The following GNG7 variants were observed in gnomAD, a reference collection of about 807,000 sequenced individuals.
The protein encoded by GNG7 is guanine nucleotide-binding protein G(I)/G(S)/G(O) subunit gamma-7.
In GNG7, 1 loss-of-function variant was observed where a neutral mutation model predicts 4.0. The observed-to-expected ratio is 0.25, with a 90% confidence interval of 0.09 to 1.18. GNG7 has a LOEUF of 1.18. Ranked by LOEUF, GNG7 falls within the 50% of genes most tolerant of loss-of-function variation. The probability of loss-of-function intolerance (pLI) is 0.50; values close to 1 mark genes in which losing one functional copy is unlikely to be tolerated. For missense variants in GNG7, 86 were observed against 91.9 expected (o/e 0.94, Z 0.26); for synonymous variants, 34 against 36.9 (o/e 0.92, Z 0.29).
chr19:2,670,678 C>T (rs921432077), intron 1 of GNG7, among the ~76,000 whole-genome samples: 4 of 152,124 alleles, frequency 2.6e-5, no homozygotes, highest in African/African-American at 7.2e-5. Context: ...TTCTCTCGGG[C>T]GGGGCTGTGC....
rs551452662 is a variant in GNG7, at chr19:2,695,725, G to C, written c.-135+6921C>G. Among the ~76,000 whole-genome samples the C allele has an allele frequency of 3.9e-5, 6 of 152,262 alleles. No homozygotes were observed. In the South Asian group the frequency reaches 1.2e-3, roughly 32 times the overall value. ...CTTGATAGGAGGCAGGGAAGTGACC[G>C]TCTGATCAGTGCCCAGGAAGCTTAC... On this transcript the variant is annotated intron_variant, in intron 1 of 4. Coordinates refer to ENST00000382159, the MANE Select transcript of GNG7 (RefSeq NM_052847.3).
At chr19:2,642,702 C>A in intron 2 of GNG7, 1 of 434,878 alleles carries the variant, frequency 2.3e-6, no homozygotes, top group Non-Finnish European at 4.6e-6. Flanking sequence ...CTCTGTTGAC[C>A]AGGCTGATCT....
intron 2 of GNG7, among the ~76,000 whole-genome samples, chr19:2,582,656 A>AT (rs35625825): frequency 0.096 from 8,253 of 85,976 alleles, 1,269 homozygotes; most frequent in Non-Finnish European, 0.12. Context: ...CTAATTGTTA[A>AT]TTTTTTTTTT....
At chr19:2,695,529 C>G (rs1052448451) in intron 1 of GNG7, among the ~76,000 whole-genome samples, 19 of 152,130 alleles carry the variant, frequency 1.2e-4, no homozygotes, top group Non-Finnish European at 2.8e-4. Context: ...AAGGAAGGAG[C>G]GTTTCAGACA....
At chr19:2,596,048 A>G (rs1179107275) in intron 2 of GNG7, among the ~76,000 whole-genome samples, 1 of 151,968 alleles carries the variant, frequency 6.6e-6, no homozygotes, top group Non-Finnish European at 1.5e-5. Context: ...ACCAAGGACC[A>G]GAAGAACTCA....
chr19:2,520,235 G>A (rs1978300581), intron 4 of GNG7, among the ~76,000 whole-genome samples: 1 of 150,866 alleles, frequency 6.6e-6, no homozygotes, highest in Admixed American at 6.6e-5. Flanking sequence ...AAGTAGATAC[G>A]ACATGCAGTC....
chr19:2,660,080 T>C (rs1377765575), intron 1 of GNG7, among the ~76,000 whole-genome samples: 1 of 152,160 alleles, frequency 6.6e-6, no homozygotes, highest in African/African-American at 2.4e-5. Flanking sequence ...GCAGTCCTCA[T>C]GGAATCCGTC....
chr19:2,677,393 G>A, intron 1 of GNG7, among the ~76,000 whole-genome samples: 1 of 152,134 alleles, frequency 6.6e-6, no homozygotes, highest in East Asian at 1.9e-4. Context: ...GCGTGGAGTG[G>A]GTGGAGGCCA....
intron 2 of GNG7, among the ~76,000 whole-genome samples, chr19:2,615,454 G>T (rs113021534): frequency 1.0e-4 from 5 of 48,814 alleles, no homozygotes; most frequent in African/African-American, 2.5e-4. Flanking sequence ...GTCTTTTCCG[G>T]TTTTTTTTTT....
intron 1 of GNG7, among the ~76,000 whole-genome samples, chr19:2,654,928 A>G (rs1315340182): frequency 9.2e-6 from 1 of 108,754 alleles, no homozygotes; most frequent in Non-Finnish European, 2.0e-5. Context: ...GTCCCCAGAC[A>G]TTGTCCAGTG....
At chr19:2,621,619 C>A (rs1023299428) in intron 2 of GNG7, among the ~76,000 whole-genome samples, 6 of 152,056 alleles carry the variant, frequency 3.9e-5, no homozygotes, top group Admixed American at 1.3e-4. Flanking sequence ...ATTGCTTGAA[C>A]CTGGGAGGCA....
rs1284181727 is a variant in GNG7, at chr19:2,514,257, C to T, written c.*765G>A. On this transcript the variant is annotated 3_prime_UTR_variant, in exon 5 of 5. Coordinates refer to ENST00000382159, the MANE Select transcript of GNG7 (RefSeq NM_052847.3). ...ATGGGCCGGGCCGGTGACGGCTTCCCTGGGGCAAGTCCCGAAAACCCATTT... is the reference window on the plus strand; with the variant it reads ...ATGGGCCGGGCCGGTGACGGCTTCCTTGGGGCAAGTCCCGAAAACCCATTT... 1 of 152,042 alleles carries T rather than the reference C, an allele frequency of 6.6e-6. No individual in the cohort carries two copies. The highest frequency in any genetic ancestry group is 6.6e-5 in the Admixed American group (1 of 15,234). The allele number at this position is 152,042 out of a possible 1,614,324, so 9.4% of individuals were successfully genotyped here.
intron 3 of GNG7, among the ~76,000 whole-genome samples, chr19:2,538,978 A>G (rs957511894): frequency 8.6e-5 from 13 of 151,830 alleles, no homozygotes; most frequent in Non-Finnish European, 1.3e-4. Flanking sequence ...TCACCGTGTT[A>G]GCCAGGATGG....
intron 2 of GNG7, among the ~76,000 whole-genome samples, chr19:2,623,177 C>G (rs766994489): frequency 2.6e-5 from 4 of 151,990 alleles, no homozygotes; most frequent in Non-Finnish European, 5.9e-5. Context: ...AAATAATTAG[C>G]CAGGCGTGGT....
intron 2 of GNG7, among the ~76,000 whole-genome samples, chr19:2,598,550 G>C (rs1214875425): frequency 6.6e-6 from 1 of 151,762 alleles, no homozygotes; most frequent in African/African-American, 2.4e-5. Flanking sequence ...CCAGCTACTC[G>C]GGAGGCTGAG....
chr19:2,562,408 C>G (rs1979771602), intron 2 of GNG7, among the ~76,000 whole-genome samples: 1 of 152,114 alleles, frequency 6.6e-6, no homozygotes, highest in Non-Finnish European at 1.5e-5. Flanking sequence ...CTCAGCCTCC[C>G]AAAGTGCCGG....
chr19:2,697,439 T>A (rs770995972), intron 1 of GNG7, among the ~76,000 whole-genome samples: 1 of 152,064 alleles, frequency 6.6e-6, no homozygotes, highest in Non-Finnish European at 1.5e-5. Context: ...GGCCGCTGTG[T>A]GACTGAGGAT....
At chr19:2,666,651 G>A (rs189151457) in intron 1 of GNG7, among the ~76,000 whole-genome samples, 226 of 152,334 alleles carry the variant, frequency 1.5e-3, no homozygotes, top group African/African-American at 5.1e-3. Flanking sequence ...GCACAGCAAA[G>A]TGTTTCTGTC....
rs146399292 is a variant in GNG7, at chr19:2,633,571, C to G, written c.-78+12653G>C. ...CACTGGGCTGGGGTACTCAGATCCC[C>G]GGGCTCGGTGGTCGTGGATGTGAGC... On this transcript the variant is annotated intron_variant, in intron 2 of 4. Transcript: ENST00000382159. This position sits in a 1 kb window ranked among gnomAD's most constrained non-coding sequence, Gnocchi z 5.9. Among the ~76,000 whole-genome samples, 11 of 151,834 alleles carry G rather than the reference C, an allele frequency of 7.2e-5. No homozygotes were observed. Among genetic ancestry groups the G allele is most frequent in the Non-Finnish European group, 1.2e-4 (8 of 67,980 alleles).
Sources: allele counts gnomAD v4.1 joint callset (sites outside exome capture counted in the v4.1 genomes callset), GRCh38; gene constraint gnomAD v4.1.1; non-coding constraint Gnocchi (gnomAD v3.1); transcripts MANE v1.5; gene names NCBI Gene and HGNC (gene_info 2026-07-23, HGNC 2026-07-21).